The following UBE2E3 variants were observed in gnomAD, a reference collection of about 807,000 sequenced individuals.
UBE2E3 encodes the protein ubiquitin conjugating enzyme E2 E3.
Under a neutral mutation model 23.6 loss-of-function variants are expected in UBE2E3, and 5 were observed. The observed-to-expected ratio is 0.21, with a 90% CI of 0.11 to 0.44. The LOEUF is 0.44. Ranked by LOEUF, UBE2E3 falls within the 20% of genes least tolerant of loss-of-function variation. UBE2E3 has a pLI of 0.99. For synonymous variants in UBE2E3, 78 were observed against 87.5 expected, an observed-to-expected ratio of 0.89 and a Z score of 0.60; for missense variants, 81 against 249.8, an observed-to-expected ratio of 0.32 and a Z score of 4.55.
At chr2:181,043,761 A>T (rs1686586506) in intron 3 of UBE2E3, among the ~76,000 whole-genome samples, 4 of 152,180 alleles carry the variant, frequency 2.6e-5, no homozygotes, top group African/African-American at 9.6e-5. Context: ...TTTACACAAT[A>T]TGATTACTGG....
intron 3 of UBE2E3, among the ~76,000 whole-genome samples, chr2:181,030,811 T>A (rs1686052787): frequency 6.6e-6 from 1 of 152,148 alleles, no homozygotes; most frequent in Non-Finnish European, 1.5e-5. Context: ...TTTCTAGGAA[T>A]TAGAGCATTT....
chr2:181,035,656 A>G (rs888291088), intron 3 of UBE2E3, among the ~76,000 whole-genome samples: 1 of 152,122 alleles, frequency 6.6e-6, no homozygotes, highest in Non-Finnish European at 1.5e-5. Flanking sequence ...ACAAATTCGA[A>G]AACTTCCTTG....
chr2:181,055,651 A>G (rs1313967375), intron 3 of UBE2E3, among the ~76,000 whole-genome samples: 6 of 151,720 alleles, frequency 4.0e-5, no homozygotes, highest in Admixed American at 3.3e-4. Context: ...GACAATAGGA[A>G]AAGTTATTTA....
At chr2:181,021,632 T>TTCCTTCC (rs1685699623) in intron 3 of UBE2E3, among the ~76,000 whole-genome samples, 1 of 39,994 alleles carries the variant, frequency 2.5e-5, no homozygotes, top group Non-Finnish European at 4.4e-5. Flanking sequence ...CCCTCCCTTT[T>TTCCTTCC]TTCCTTCCTT....
intron 3 of UBE2E3, among the ~76,000 whole-genome samples, chr2:180,986,307 T>G (rs1684467831): frequency 6.6e-6 from 1 of 152,162 alleles, no homozygotes; most frequent in Non-Finnish European, 1.5e-5. Context: ...TTTCTTATTA[T>G]TTGGAGGCAG....
intron 3 of UBE2E3, among the ~76,000 whole-genome samples, chr2:181,035,748 G>A (rs1273190544): frequency 6.6e-6 from 1 of 152,042 alleles, no homozygotes; most frequent in African/African-American, 2.4e-5. Context: ...TGTGACCCAA[G>A]ACAATTCTTT....
intron 3 of UBE2E3, among the ~76,000 whole-genome samples, chr2:180,995,407 C>T (rs757967467): frequency 2.6e-5 from 4 of 152,196 alleles, no homozygotes; most frequent in Non-Finnish European, 5.9e-5. Context: ...TATGATTTTC[C>T]TTTGCTTATT....
intron 3 of UBE2E3, among the ~76,000 whole-genome samples, chr2:181,026,434 T>C (rs1264072531): frequency 6.6e-6 from 1 of 151,864 alleles, no homozygotes; most frequent in African/African-American, 2.4e-5. Context: ...CTGGTTTCTC[T>C]ATCTTGTTTG....
At chr2:181,037,044 A>C (rs115246489) in intron 3 of UBE2E3, among the ~76,000 whole-genome samples, 2,215 of 152,298 alleles carry the variant, frequency 0.015, 57 homozygotes, top group African/African-American at 0.05. Context: ...GATGAACAAC[A>C]GTCCTCATAT....
intron 3 of UBE2E3, among the ~76,000 whole-genome samples, chr2:181,042,681 A>T (rs1686551694): frequency 6.6e-6 from 1 of 152,178 alleles, no homozygotes; most frequent in African/African-American, 2.4e-5. Context: ...CATTTGTAAG[A>T]CTAGGGACCC....
At chr2:181,045,834 G>C (rs1686657475) in intron 3 of UBE2E3, among the ~76,000 whole-genome samples, 1 of 151,884 alleles carries the variant, frequency 6.6e-6, no homozygotes, top group South Asian at 2.1e-4. Context: ...GTGAGCCAGT[G>C]TTAACTGATG....
At chr2:181,016,513 C>A (rs1196979660) in intron 3 of UBE2E3, among the ~76,000 whole-genome samples, 1 of 152,128 alleles carries the variant, frequency 6.6e-6, no homozygotes, top group Non-Finnish European at 1.5e-5. Context: ...ATGTAACACC[C>A]TATGAGGCTG....
intron 3 of UBE2E3, among the ~76,000 whole-genome samples, chr2:181,016,599 T>A (rs1685499397): frequency 6.6e-6 from 1 of 152,214 alleles, no homozygotes; most frequent in African/African-American, 2.4e-5. Context: ...GGAGGTAGAA[T>A]CCCAGCTCAA....
chr2:180,989,442 AT>A (rs1184011439), intron 3 of UBE2E3, among the ~76,000 whole-genome samples: 2 of 152,208 alleles, frequency 1.3e-5, no homozygotes, highest in Non-Finnish European at 2.9e-5. Context: ...AATTTATTAA[AT>A]ATCCTATACA....
At chr2:181,060,856 GAGTGCTTTTTT>G in intron 5 of UBE2E3, 44 bp downstream of exon 5, 2 of 466,218 alleles carry the variant, frequency 4.3e-6, no homozygotes, top group South Asian at 3.2e-5. Flanking sequence ...CTACAAAAAC[GAGTGCTTTTTT>G]TTTTTTTTTT....
chr2:180,995,266 T>C (rs1379998437), intron 3 of UBE2E3, among the ~76,000 whole-genome samples: 1 of 152,130 alleles, frequency 6.6e-6, no homozygotes, highest in Non-Finnish European at 1.5e-5. Context: ...GTCATGACTT[T>C]ACAAGAAAAA....
chr2:181,028,811 G>C (rs943158280), intron 3 of UBE2E3, among the ~76,000 whole-genome samples: 1 of 152,034 alleles, frequency 6.6e-6, no homozygotes, highest in Non-Finnish European at 1.5e-5. Context: ...TCTTCTCTCT[G>C]TTAATGACTT....
At chr2:181,029,360 T>C (rs1392286575) in intron 3 of UBE2E3, among the ~76,000 whole-genome samples, 1 of 152,178 alleles carries the variant, frequency 6.6e-6, no homozygotes, top group Non-Finnish European at 1.5e-5. Context: ...TAGAATTTTA[T>C]TGAATTTGAG....
intron 3 of UBE2E3, among the ~76,000 whole-genome samples, chr2:181,007,073 T>G (rs763859480): frequency 1.3e-5 from 2 of 152,194 alleles, no homozygotes; most frequent in Non-Finnish European, 2.9e-5. Context: ...CATCTCCCAG[T>G]CCTTCAAAGT....
Sources: allele counts gnomAD v4.1 joint callset (sites outside exome capture counted in the v4.1 genomes callset), GRCh38; gene constraint gnomAD v4.1.1; transcripts MANE v1.5; gene names NCBI Gene and HGNC (gene_info 2026-07-23, HGNC 2026-07-21).